The following MTM1 variants were observed in gnomAD, a reference collection of about 807,000 sequenced individuals.
The protein encoded by MTM1 is myotubularin 1, also known as myotubularin.
A neutral mutation model predicts 52.1 loss-of-function variants in MTM1; 9 were observed. That is an observed-to-expected ratio of 0.17 (90% CI 0.10 to 0.30). The LOEUF (loss-of-function observed/expected upper bound fraction) is 0.30. Among genes scored for constraint, MTM1 ranks in the 10% least tolerant of loss-of-function variants. The pLI, the probability that MTM1 is intolerant of heterozygous loss-of-function variation, is 1.00. For synonymous variants in MTM1, 136 were observed against 163.8 expected (o/e 0.83, Z 1.29); for missense variants, 277 against 470.7 (o/e 0.59, Z 3.81).
intron 6 of MTM1, among the ~76,000 whole-genome samples, chrX:150,629,860 T>C (rs782041420): frequency 3.6e-5 from 4 of 111,121 alleles, no homozygotes; most frequent in Non-Finnish European, 7.5e-5. Context: ...CACCCAGTGA[T>C]AGTTTAGGCC....
chrX:150,669,152 AG>A (rs2040355154), intron 14 of MTM1, among the ~76,000 whole-genome samples: 1 of 111,143 alleles, frequency 9.0e-6, no homozygotes, highest in Non-Finnish European at 1.9e-5. Context: ...TTGCTGTGTT[AG>A]TTTGATGAGG....
rs373023705 is a variant in MTM1 at position 150,647,221 on chromosome X, A to ATATATATATATATATG, written c.867+1350_867+1351insTATATATATATATATG. ...TATATATATATATATATATATATAT[A>ATATATATATATATATG]GCAATATTTTCATGTACATATTTAG... On this transcript the variant is annotated intron_variant, in intron 9 of 14. Coordinates refer to ENST00000370396, the MANE Select transcript of MTM1 (RefSeq NM_000252.3). 3.8e-3 allele frequency among the ~76,000 whole-genome samples: 383 copies of ATATATATATATATATG among 101,537 alleles called. 8 individuals carry two copies. Among genetic ancestry groups the ATATATATATATATATG allele is most frequent in the African/African-American group, 0.014 (365 of 25,752 alleles). The allele number at this position is 101,537 out of a possible 115,157, so 88.2% of individuals were successfully genotyped here.
chrX:150,593,193 A>G (rs1224368366), intron 2 of MTM1, among the ~76,000 whole-genome samples: 2 of 111,914 alleles, frequency 1.8e-5, no homozygotes, highest in Admixed American at 1.9e-4. Context: ...TGAGTTTTAC[A>G]TTTGTAAATC....
At chrX:150,600,042 G>C (rs1341309268) in intron 4 of MTM1, among the ~76,000 whole-genome samples, 2 of 111,739 alleles carry the variant, frequency 1.8e-5, no homozygotes, top group Non-Finnish European at 3.8e-5. Context: ...CTCCGGTAAA[G>C]ACACCTGGGC....
In MTM1 at chrX:150,634,411, C is replaced by T. The variant is rs184962364; in HGVS notation, c.445-4532C>T. Reference sequence around the variant, plus strand: ...TTAAGTGAAAGCTAAAATCTGTTGTCATTTCAGAGACTTTACCCCCACAAG... The same window carrying T: ...TTAAGTGAAAGCTAAAATCTGTTGTTATTTCAGAGACTTTACCCCCACAAG... On this transcript the variant is annotated intron_variant, in intron 6 of 14. Transcript: ENST00000370396. 6.0e-3 allele frequency among the ~76,000 whole-genome samples: 677 copies of T among 112,240 alleles called. 4 individuals carry two copies. Among genetic ancestry groups the T allele is most frequent in the Middle Eastern group, 0.014 (3 of 216 alleles).
chrX:150,579,925 G>A (rs2038549067), intron 1 of MTM1, among the ~76,000 whole-genome samples: 1 of 111,457 alleles, frequency 9.0e-6, no homozygotes, highest in East Asian at 2.8e-4. Flanking sequence ...TTTTTTTGTA[G>A]TATTCTTAGG....
At chrX:150,616,615 C>G (rs1557413148) in intron 5 of MTM1, among the ~76,000 whole-genome samples, 2 of 111,544 alleles carry the variant, frequency 1.8e-5, no homozygotes, top group Non-Finnish European at 3.8e-5. Context: ...AAAGGTAGTT[C>G]TGAATATGCA....
At chrX:150,563,954 C>T (rs1405920998), upstream of MTM1, among the ~76,000 whole-genome samples, 1 of 111,398 alleles carries the variant, frequency 9.0e-6, no homozygotes, top group East Asian at 2.9e-4. Context: ...GAAATTCGCC[C>T]ATCTCATGTT....
chrX:150,665,323 G>A (rs984213578), intron 14 of MTM1, among the ~76,000 whole-genome samples: 3 of 111,987 alleles, frequency 2.7e-5, no homozygotes, highest in Non-Finnish European at 3.8e-5. Context: ...AATGGTCTCC[G>A]CCCATGAGTA....
At chrX:150,614,734 A>G in intron 5 of MTM1, 35 bp downstream of exon 5, 1 of 770,030 alleles carries the variant, frequency 1.3e-6, no homozygotes. Flanking sequence ...GCAAAGAACA[A>G]GGCACGTTAG....
chrX:150,615,770 G>A (rs200516234), intron 5 of MTM1, among the ~76,000 whole-genome samples: 5 of 112,014 alleles, frequency 4.5e-5, no homozygotes, highest in East Asian at 5.6e-4. Context: ...ATCAAGACTC[G>A]TTTTTTCTAT....
intron 14 of MTM1, among the ~76,000 whole-genome samples, chrX:150,667,104 C>T (rs781895041): frequency 7.1e-5 from 8 of 112,084 alleles, no homozygotes; most frequent in African/African-American, 2.6e-4. Context: ...TAGAAACTGG[C>T]CAGGTAGCTG....
At position 150,618,880 on chromosome X, in the gene MTM1, A is replaced by G. The variant is rs191242850; in HGVS notation, c.343-158A>G. On this transcript the variant is annotated intron_variant, in intron 5 of 14. Transcript: ENST00000370396. Reference sequence around the variant, plus strand: ...TTTCAGGTGTTCTTAAGCCAGATATACCAAATTACCATATAAAACAAAGCA... The same window carrying G: ...TTTCAGGTGTTCTTAAGCCAGATATGCCAAATTACCATATAAAACAAAGCA... 6.8e-3 allele frequency among the ~76,000 whole-genome samples: 759 copies of G among 111,385 alleles called. 5 individuals are homozygous for G. The highest frequency in any genetic ancestry group is 0.014 in the Middle Eastern group (3 of 217).
chrX:150,636,256 A>G (rs991180127), intron 6 of MTM1, among the ~76,000 whole-genome samples: 3 of 111,950 alleles, frequency 2.7e-5, no homozygotes, highest in African/African-American at 9.7e-5. Context: ...ACAAAAAAAA[A>G]TTGATGTTGC....
At chrX:150,590,901 A>G (rs1021921194) in intron 1 of MTM1, 31 of 204,998 alleles carry the variant, frequency 1.5e-4, no homozygotes, top group Non-Finnish European at 2.1e-4. Context: ...GTTACTGAAG[A>G]AAATCTGCCC....
At chrX:150,640,690 C>T (rs1340105092) in intron 7 of MTM1, among the ~76,000 whole-genome samples, 8 of 111,638 alleles carry the variant, frequency 7.2e-5, no homozygotes, top group African/African-American at 2.3e-4. Context: ...GGGCAATCAT[C>T]GATTCCGAAC....
intron 5 of MTM1, among the ~76,000 whole-genome samples, chrX:150,616,013 C>T (rs1438521824): frequency 9.0e-6 from 1 of 111,092 alleles, no homozygotes; most frequent in Non-Finnish European, 1.9e-5. Flanking sequence ...TTAGAGTGCT[C>T]AAGGGAAAAT....
At position 150,671,948 on chromosome X, in the gene MTM1, A is replaced by T. The variant is rs1557415163; in HGVS notation, c.*353A>T. 1 of 194,500 alleles carries T rather than the reference A, an allele frequency of 5.1e-6. No individual in the cohort carries two copies. The highest frequency in any genetic ancestry group is 3.0e-5 in the African/African-American group (1 of 33,130). 16.0% of individuals were successfully genotyped at this position (194,500 alleles called of 1,213,427 possible). A position where few individuals can be genotyped will look rare whatever the true frequency, so the allele number is the denominator to read the frequency against. On this transcript the variant is annotated 3_prime_UTR_variant, in exon 15 of 15. Coordinates refer to ENST00000370396, the MANE Select transcript of MTM1 (RefSeq NM_000252.3). ...CAACATTATTTTAAAATCAAAGGGG[A>T]TATATGTTTGTGGAATGGATTTTCC...
chrX:150,645,797 A>G lies in MTM1; in HGVS notation c.793A>G (p.Arg265Gly), dbSNP rs201819359. Residue 265 changes from arginine to glycine, a missense_variant, in exon 9 of 15, where the codon AGG (arginine) becomes GGG (glycine). Around this residue, in one of 4 missense-constraint regions of MTM1, gnomAD observed 164 missense variants for 283.3 expected, o/e 0.58. Coordinates refer to ENST00000370396, the MANE Select transcript of MTM1 (RefSeq NM_000252.3). ...KDDEKYLDVI[R>G]ETNKQISKLT... ...TGATGAGAAATATCTCGATGTTATC[A>G]GGGAGACTAATAAACAAATTTCTAA... is the stretch of plus-strand genomic sequence containing the variant. The G allele has an allele frequency of 8.3e-7, 1 of 1,208,975 alleles. No homozygotes were observed. The highest frequency in any genetic ancestry group is 1.1e-6 in the Non-Finnish European group (1 of 894,204).
Sources: gnomAD v4.1 joint callset for allele counts (sites outside exome capture counted in the v4.1 genomes callset) on GRCh38, gnomAD v4.1.1 for gene constraint, gnomAD v4.1.1 regional missense constraint, MANE v1.5 for transcripts, NCBI Gene and HGNC (gene_info 2026-07-23, HGNC 2026-07-21) for gene names.